Variants in TBC1D4 observed in about 807,000 individuals in gnomAD.
The protein encoded by TBC1D4 is TBC (Tre-2, BUB2, CDC16) domain-containing protein.
In TBC1D4, 121 loss-of-function variants were observed where a neutral mutation model predicts 142.5. The observed-to-expected ratio is 0.85, with a 90% CI of 0.73 to 0.99. The LOEUF (loss-of-function observed/expected upper bound fraction) is 0.99, where lower values mean the gene tolerates loss of function less well. Ranked by LOEUF, TBC1D4 falls within the 50% of genes least tolerant of loss-of-function variation. TBC1D4 has a pLI of 0.00. For missense variants in TBC1D4, 1,475 were observed against 1,606.6 expected (o/e 0.92, Z 1.40); for synonymous variants, 630 against 628.2 (o/e 1.00, Z -0.04).
At chr13:75,316,520 A>G (rs1318263043) in intron 12 of TBC1D4, 1 of 152,346 alleles carries the variant, frequency 6.6e-6, no homozygotes, top group South Asian at 2.1e-4. Context: ...GACATCTTGA[A>G]AAAGTAGTTG....
intron 12 of TBC1D4, among the ~76,000 whole-genome samples, chr13:75,315,878 C>G (rs1401032307): frequency 6.6e-6 from 1 of 152,084 alleles, no homozygotes; most frequent in Non-Finnish European, 1.5e-5. Flanking sequence ...TAGGTATTGA[C>G]CATGACAATG....
intron 1 of TBC1D4, among the ~76,000 whole-genome samples, chr13:75,450,213 A>G (rs941507689): frequency 6.6e-6 from 1 of 152,216 alleles, no homozygotes; most frequent in Non-Finnish European, 1.5e-5. Context: ...CACAGTGGCC[A>G]TAGTTGCCAT....
intron 1 of TBC1D4, among the ~76,000 whole-genome samples, chr13:75,400,810 T>C (rs575343263): frequency 2.0e-4 from 30 of 152,050 alleles, no homozygotes; most frequent in Non-Finnish European, 2.6e-4. Flanking sequence ...CACACACACA[T>C]AGAGTGAAAT....
chr13:75,398,281 A>C (rs1224092251), intron 1 of TBC1D4, among the ~76,000 whole-genome samples: 1 of 152,228 alleles, frequency 6.6e-6, no homozygotes, highest in Non-Finnish European at 1.5e-5. Context: ...TGAACAAGAC[A>C]AAAATCAGAA....
chr13:75,369,927 G>C (rs557285867), intron 1 of TBC1D4, among the ~76,000 whole-genome samples: 1 of 152,116 alleles, frequency 6.6e-6, no homozygotes, highest in Non-Finnish European at 1.5e-5. Flanking sequence ...ATTAACAAGA[G>C]AAGTAAAATA....
intron 5 of TBC1D4, among the ~76,000 whole-genome samples, chr13:75,346,281 T>C (rs1006932986): frequency 9.2e-5 from 14 of 152,170 alleles, no homozygotes; most frequent in Non-Finnish European, 2.1e-4. Context: ...TTTCTAGTAA[T>C]GTTATCCCTC....
chr13:75,415,015 T>C (rs1473221184), intron 1 of TBC1D4, among the ~76,000 whole-genome samples: 1 of 151,492 alleles, frequency 6.6e-6, no homozygotes, highest in Non-Finnish European at 1.5e-5. Context: ...TCCCAGCTAC[T>C]TGGGAGGCTG....
At chr13:75,311,949 T>A (rs182009968) in intron 13 of TBC1D4, among the ~76,000 whole-genome samples, 1 of 152,332 alleles carries the variant, frequency 6.6e-6, no homozygotes, top group African/African-American at 2.4e-5. Context: ...ATATTATTTA[T>A]ATTTAATTTC....
chr13:75,319,100 T>C (rs765778507), intron 12 of TBC1D4, among the ~76,000 whole-genome samples: 1 of 152,250 alleles, frequency 6.6e-6, no homozygotes, highest in African/African-American at 2.4e-5. Flanking sequence ...AGAAGTATTA[T>C]TTAAATGGTC....
chr13:75,425,286 GCCTCACA>G (rs974941686), intron 1 of TBC1D4, among the ~76,000 whole-genome samples: 3 of 152,060 alleles, frequency 2.0e-5, no homozygotes, highest in African/African-American at 7.2e-5. Context: ...AAACCACAAC[GCCTCACA>G]CCTGTTGGAA....
At chr13:75,438,019 A>T (rs1455478179) in intron 1 of TBC1D4, among the ~76,000 whole-genome samples, 2 of 152,208 alleles carry the variant, frequency 1.3e-5, no homozygotes, top group African/African-American at 4.8e-5. Flanking sequence ...CAAACATGGC[A>T]AAAATAAAAT....
rs1443184767 is a variant in TBC1D4, at chr13:75,359,878, C to T, written c.1081-20G>A. 4 of 1,561,292 alleles carry T rather than the reference C, an allele frequency of 2.6e-6. No homozygotes were observed. In the East Asian group the frequency reaches 6.7e-5, roughly 26 times the overall value. On this transcript the variant is annotated intron_variant, in intron 2 of 20. Coordinates refer to ENST00000377636, the MANE Select transcript of TBC1D4 (RefSeq NM_014832.5). ...CCCAACCTTAAAAATAAAAGCATTC[C>T]AATTAATTTCAATTCATAAGGATCT...
At chr13:75,423,859 A>C (rs1294345025) in intron 1 of TBC1D4, among the ~76,000 whole-genome samples, 3 of 152,250 alleles carry the variant, frequency 2.0e-5, no homozygotes, top group South Asian at 2.1e-4. Context: ...TAATGGGTAC[A>C]GAGTTTCAGT....
At chr13:75,434,040 A>C (rs1886691978) in intron 1 of TBC1D4, among the ~76,000 whole-genome samples, 1 of 152,216 alleles carries the variant, frequency 6.6e-6, no homozygotes, top group African/African-American at 2.4e-5. Context: ...AGAGAAAAGG[A>C]AATACTTATT....
intron 1 of TBC1D4, among the ~76,000 whole-genome samples, chr13:75,378,199 A>G (rs1318175258): frequency 1.3e-5 from 2 of 152,130 alleles, no homozygotes; most frequent in Non-Finnish European, 2.9e-5. Context: ...TTAAAGTTCA[A>G]TTTTACTAAA....
chr13:75,330,649 T>A (rs1879668182), intron 8 of TBC1D4, among the ~76,000 whole-genome samples: 1 of 152,252 alleles, frequency 6.6e-6, no homozygotes, highest in Admixed American at 6.5e-5. Flanking sequence ...GTGAAGCTCC[T>A]GAGCTGTTAC....
chr13:75,345,639 T>A (rs1261106445), intron 5 of TBC1D4, among the ~76,000 whole-genome samples: 1 of 151,938 alleles, frequency 6.6e-6, no homozygotes, highest in African/African-American at 2.4e-5. Flanking sequence ...ACAACTGTAA[T>A]CCTAGCACTT....
chr13:75,338,818 C>T (rs888142211), intron 7 of TBC1D4, among the ~76,000 whole-genome samples: 2 of 152,200 alleles, frequency 1.3e-5, no homozygotes, highest in Non-Finnish European at 2.9e-5. Context: ...GCCCCACTCT[C>T]GTCTGCTTTC....
At chr13:75,453,023 A>T (rs1401977289) in intron 1 of TBC1D4, among the ~76,000 whole-genome samples, 1 of 152,214 alleles carries the variant, frequency 6.6e-6, no homozygotes. Context: ...CTTTTCTGCC[A>T]AAAATAAGCA....
Sources: gnomAD v4.1 joint callset for allele counts (sites outside exome capture counted in the v4.1 genomes callset) on GRCh38, gnomAD v4.1.1 for gene constraint, MANE v1.5 for transcripts, NCBI Gene and HGNC (gene_info 2026-07-23, HGNC 2026-07-21) for gene names.